Variants in TMEM131L observed in about 807,000 individuals in gnomAD.
TMEM131L encodes the protein transmembrane 131 like, also known as transmembrane protein 131-like.
A neutral mutation model predicts 192.2 loss-of-function variants in TMEM131L; 54 were observed. The ratio of observed to expected loss-of-function variants is 0.28; its 90% CI spans 0.23 to 0.35. The LOEUF (loss-of-function observed/expected upper bound fraction) is 0.35, where lower values mean the gene tolerates loss of function less well. Ranked by LOEUF, TMEM131L falls within the 10% of genes least tolerant of loss-of-function variation. TMEM131L has a pLI of 1.00. For missense variants in TMEM131L, 1,888 were observed against 1,972.9 expected, an observed-to-expected ratio of 0.96 and a Z score of 0.82; for synonymous variants, 701 against 704.9, an observed-to-expected ratio of 0.99 and a Z score of 0.09.
In TMEM131L at chr4:153,604,150, T is replaced by A. The variant is rs752171205; in HGVS notation, c.3138T>A (p.Asn1046Lys). 6.2e-7 allele frequency: 1 copy of A among 1,614,144 alleles called. No homozygotes were observed. Among genetic ancestry groups the A allele is most frequent in the South Asian group, 1.1e-5 (1 of 91,082 alleles). The change falls in exon 25 of 35, where the codon AAT (asparagine) becomes AAA (lysine). Residue 1046 changes from asparagine (N) to lysine (K), a missense_variant. Coordinates refer to ENST00000409959, the MANE Select transcript of TMEM131L (RefSeq NM_001131007.2). ...ASGINVNLQK[N>K]LTLPKNLLNK... ...GCATAAATGTCAACCTGCAGAAGAA[T>A]TTAACCCTTCCCAAAAACTTACTGA... is the stretch of plus-strand genomic sequence containing the variant.
At chr4:153,493,981 G>C (rs1218027387) in intron 3 of TMEM131L, among the ~76,000 whole-genome samples, 1 of 152,146 alleles carries the variant, frequency 6.6e-6, no homozygotes, top group Non-Finnish European at 1.5e-5. Flanking sequence ...TGGCTTCCGG[G>C]TGACAGAATC....
intron 3 of TMEM131L, among the ~76,000 whole-genome samples, chr4:153,539,984 C>T (rs1283891357): frequency 6.6e-6 from 1 of 152,004 alleles, no homozygotes; most frequent in Non-Finnish European, 1.5e-5. Context: ...GTGGCGGGTG[C>T]CTGTAATCCC....
intron 3 of TMEM131L, among the ~76,000 whole-genome samples, chr4:153,515,231 C>T (rs1391287946): frequency 6.6e-6 from 1 of 152,230 alleles, no homozygotes; most frequent in African/African-American, 2.4e-5. Flanking sequence ...CCACTCCCAT[C>T]AAGCAGTCAC....
At chr4:153,602,464 G>T in intron 22 of TMEM131L, 78 bp from the exon 23 acceptor site, 2 of 1,518,742 alleles carry the variant, frequency 1.3e-6, no homozygotes, top group Non-Finnish European at 1.8e-6. Context: ...GTAGGAGTAT[G>T]ATGTGTTGTC....
At chr4:153,470,071 A>G (rs1731048777) in intron 2 of TMEM131L, among the ~76,000 whole-genome samples, 1 of 151,922 alleles carries the variant, frequency 6.6e-6, no homozygotes, top group African/African-American at 2.4e-5. Flanking sequence ...GATCAAGACT[A>G]ACTTACTATT....
intron 29 of TMEM131L, 75 bp from the exon 30 acceptor site, chr4:153,626,070 CCT>C: frequency 2.4e-6 from 2 of 844,118 alleles, no homozygotes; most frequent in Non-Finnish European, 4.0e-6. Flanking sequence ...ATATTAATAA[CCT>C]ATGCATTTTA....
Position 153,621,805 on chromosome 4 carries a change from A to T in TMEM131L, c.3815A>T (p.Asp1272Val). The T allele has an allele frequency of 6.2e-7, 1 of 1,614,208 alleles. No individual in the cohort carries two copies. The highest frequency in any genetic ancestry group is 8.5e-7 in the Non-Finnish European group (1 of 1,180,022). Residue 1272 changes from aspartate (D) to valine (V), a missense_variant, in exon 28 of 35, where the codon GAT becomes GTT. By Grantham distance (152) the Asp-to-Val change is radical. Transcript: ENST00000409959. ...QESTREVCKA[D>V]AEIASSLPAA... ...AGCACTAGGGAGGTTTGTAAAGCAGATGCCGAAATTGCAAGCAGTTTACCT... is the reference window on the plus strand; with the variant it reads ...AGCACTAGGGAGGTTTGTAAAGCAGTTGCCGAAATTGCAAGCAGTTTACCT...
intron 11 of TMEM131L, 51 bp downstream of exon 11, chr4:153,583,723 T>C: frequency 9.8e-7 from 1 of 1,025,550 alleles, no homozygotes; most frequent in Non-Finnish European, 1.5e-6. Context: ...CTGGTTGTCA[T>C]GATGGCAACT....
intron 29 of TMEM131L, among the ~76,000 whole-genome samples, chr4:153,624,128 A>T (rs866421804): frequency 0.012 from 1,391 of 115,732 alleles, 10 homozygotes; most frequent in African/African-American, 0.031. Flanking sequence ...TTAATTATTT[A>T]TTTTTTTTTT....
chr4:153,543,973 T>G (rs1358070592), intron 3 of TMEM131L, among the ~76,000 whole-genome samples: 1 of 151,460 alleles, frequency 6.6e-6, no homozygotes, highest in South Asian at 2.1e-4. Context: ...CGTGGTCTAC[T>G]TAGTTACCTT....
chr4:153,549,285 A>C (rs1038096645), intron 3 of TMEM131L, among the ~76,000 whole-genome samples: 1 of 152,190 alleles, frequency 6.6e-6, no homozygotes, highest in African/African-American at 2.4e-5. Flanking sequence ...TCTATTTTGG[A>C]AAGCTTGTTC....
intron 3 of TMEM131L, among the ~76,000 whole-genome samples, chr4:153,526,221 T>G (rs369215968): frequency 2.6e-5 from 4 of 152,200 alleles, no homozygotes; most frequent in Admixed American, 6.5e-5. Flanking sequence ...GATCATAGTT[T>G]GAGTAGCAAG....
At chr4:153,589,600 C>T (rs1457231085) in intron 16 of TMEM131L, among the ~76,000 whole-genome samples, 1 of 152,158 alleles carries the variant, frequency 6.6e-6, no homozygotes, top group South Asian at 2.1e-4. Context: ...TATTTTCAGA[C>T]CCCAGTTGAC....
At chr4:153,596,118 C>T in intron 19 of TMEM131L, 140 bp from the exon 20 acceptor site, 1 of 942,792 alleles carries the variant, frequency 1.1e-6, no homozygotes. Flanking sequence ...TCAGGATAAG[C>T]AAGTTCTAAC....
intron 7 of TMEM131L, among the ~76,000 whole-genome samples, chr4:153,561,355 T>C (rs1212049489): frequency 6.6e-6 from 1 of 152,228 alleles, no homozygotes; most frequent in Non-Finnish European, 1.5e-5. Context: ...GATGATGCCC[T>C]TTGAAGTACA....
intron 28 of TMEM131L, 35 bp from the exon 29 acceptor site, chr4:153,622,863 T>C (rs2126763775): frequency 1.2e-6 from 2 of 1,608,052 alleles, no homozygotes; most frequent in Middle Eastern, 1.7e-4. Flanking sequence ...TTGACAGTTG[T>C]TTCAGGGAAA....
At chr4:153,508,678 A>ATT (rs555033353) in intron 3 of TMEM131L, among the ~76,000 whole-genome samples, 21 of 139,338 alleles carry the variant, frequency 1.5e-4, no homozygotes, top group African/African-American at 2.6e-4. Context: ...TTTTTTTTTA[A>ATT]TTTTTTTTTT....
At chr4:153,565,475 G>T (rs1020931403) in intron 7 of TMEM131L, among the ~76,000 whole-genome samples, 4 of 152,342 alleles carry the variant, frequency 2.6e-5, no homozygotes, top group African/African-American at 9.6e-5. Context: ...TGAAGGTTGA[G>T]AGTAGAGCCA....
At chr4:153,467,180 A>C (rs1730820511) in intron 1 of TMEM131L, 31 bp from the exon 2 acceptor site, 2 of 1,549,692 alleles carry the variant, frequency 1.3e-6, no homozygotes, top group African/African-American at 1.4e-5. Flanking sequence ...CGTGCATTAA[A>C]AACGTGGTGT....
Sources: allele counts gnomAD v4.1 joint callset (sites outside exome capture counted in the v4.1 genomes callset), GRCh38; gene constraint gnomAD v4.1.1; transcripts MANE v1.5; gene names NCBI Gene and HGNC (gene_info 2026-07-23, HGNC 2026-07-21).